The following PARP1 variants were observed in gnomAD, a reference collection of about 807,000 sequenced individuals.
PARP1 encodes the protein poly [ADP-ribose] polymerase 1.
A neutral mutation model predicts 118.7 loss-of-function variants in PARP1; 44 were observed. The observed-to-expected ratio is 0.37, with a 90% CI of 0.29 to 0.48. The LOEUF is 0.48. Ranked by LOEUF, PARP1 falls within the 20% of genes least tolerant of loss-of-function variation. The pLI is 0.99. For missense variants in PARP1, 1,100 were observed against 1,272.4 expected (o/e 0.86, Z 2.06); for synonymous variants, 492 against 483.2 (o/e 1.02, Z -0.24).
In PARP1 at chr1:226,380,050, A is replaced by G. The variant is rs1331450330; in HGVS notation, c.1415T>C (p.Leu472Ser). The change falls in exon 10 of 23, where the codon TTG becomes TCG. Residue 472 changes from leucine (L) to serine (S), a missense_variant. Leu to Ser is a moderately radical substitution (Grantham distance 145). Around this residue, in one of 2 missense-constraint regions of PARP1, gnomAD observed 948 missense variants for 1,031.8 expected, o/e 0.92. Coordinates refer to ENST00000366794, the MANE Select transcript of PARP1 (RefSeq NM_001618.4). ...VSASTKSLQE[L>S]FLAHILSPWG... ...AGGGGACAAGATGTGCGCTAAGAAC[A>G]ACTCCTGAAGGCTCTTGGTGGAGGC... 6.2e-7 allele frequency: 1 copy of G among 1,613,714 alleles called. No homozygotes were observed.
At chr1:226,393,075 A>G in intron 2 of PARP1, 1 of 1,194,968 alleles carries the variant, frequency 8.4e-7, no homozygotes, top group East Asian at 2.8e-5. Flanking sequence ...ATTCTATTTG[A>G]TATTCCTAAG....
intron 1 of PARP1, among the ~76,000 whole-genome samples, chr1:226,405,957 AAAAC>A (rs1665138563): frequency 6.6e-6 from 1 of 152,200 alleles, no homozygotes; most frequent in South Asian, 2.1e-4. Context: ...CTCAAAAAAC[AAAAC>A]AAACAAAAAG....
chr1:226,404,813 T>A (rs1343211446), intron 1 of PARP1, among the ~76,000 whole-genome samples: 1 of 152,166 alleles, frequency 6.6e-6, no homozygotes, highest in Admixed American at 6.5e-5. Context: ...CATACCAGGG[T>A]CCTCACCCAA....
chr1:226,390,377 A>G (rs1261875445), intron 4 of PARP1, 33 bp downstream of exon 4: 2 of 1,597,394 alleles, frequency 1.3e-6, no homozygotes, highest in African/African-American at 2.7e-5. Context: ...CCCTCACTGA[A>G]CCCCCAGGGC....
At chr1:226,404,597 T>C (rs914043452) in intron 1 of PARP1, among the ~76,000 whole-genome samples, 2 of 152,112 alleles carry the variant, frequency 1.3e-5, no homozygotes, top group African/African-American at 4.8e-5. Flanking sequence ...AATGGTGCAA[T>C]CACAGCACAA....
rs149619679 is a variant in PARP1, at chr1:226,385,638, G to A, written c.877C>T (p.Leu293Phe). Residue 293 changes from leucine to phenylalanine, a missense_variant, in exon 7 of 23, where the codon CTT becomes TTT. By Grantham distance (22) the Leu-to-Phe change is conservative. Transcript: ENST00000366794. ...VADGMVFGAL[L>F]PCEECSGQLV... ...TGACCCGAGCATTCCTCGCAGGGAA[G>A]GAGGGCACCGAACACCATGCCATCA... The A allele has an allele frequency of 3.2e-5, 52 of 1,614,182 alleles. 1 individual carries two copies. The Middle Eastern group carries it at 6.6e-4, about 20-fold the overall frequency.
intron 1 of PARP1, among the ~76,000 whole-genome samples, chr1:226,404,423 C>T (rs1414290025): frequency 6.6e-6 from 1 of 152,228 alleles, no homozygotes; most frequent in Non-Finnish European, 1.5e-5. Context: ...CCCTTGTCTA[C>T]CCTTCCTGTG....
chr1:226,388,720 TCATCCACTC>T lies in PARP1; in HGVS notation c.644_652del (p.Gly215_Asp217del), dbSNP rs767944519. 2 of 1,613,976 alleles carry T rather than the reference TCATCCACTC, an allele frequency of 1.2e-6. No individual in the cohort carries two copies. The highest frequency in any genetic ancestry group is 1.3e-5 in the African/African-American group (1 of 74,928). Reference sequence around the variant, plus strand: ...TTTTTTAGATTTCTTCTTCGCCACTTCATCCACTCCATCCACCTCATCGCCTTTTCTCTT... The same window carrying T: ...TTTTTTAGATTTCTTCTTCGCCACTTCATCCACCTCATCGCCTTTTCTCTT... On this transcript the variant is annotated inframe_deletion, in exon 5 of 23. Transcript: ENST00000366794.
chr1:226,397,710 C>G (rs1226907236), intron 2 of PARP1, among the ~76,000 whole-genome samples: 1 of 152,172 alleles, frequency 6.6e-6, no homozygotes, highest in African/African-American at 2.4e-5. Flanking sequence ...TTCTCCTCTG[C>G]CTTCTGCCAT....
intron 15 of PARP1, among the ~76,000 whole-genome samples, chr1:226,369,990 A>G (rs1372626957): frequency 6.6e-6 from 1 of 151,718 alleles, no homozygotes; most frequent in Non-Finnish European, 1.5e-5. Flanking sequence ...CCACCAAAAA[A>G]AAAAAAAAAA....
At chr1:226,367,692 C>A in intron 16 of PARP1, 84 bp from the exon 17 acceptor site, 30 of 1,500,986 alleles carry the variant, frequency 2.0e-5, no homozygotes, top group Non-Finnish European at 2.7e-5. Context: ...AACCTACATG[C>A]AGAGAAGGTC....
intron 2 of PARP1, among the ~76,000 whole-genome samples, chr1:226,394,052 A>T (rs1226112969): frequency 1.3e-5 from 2 of 152,236 alleles, no homozygotes; most frequent in African/African-American, 4.8e-5. Context: ...TTCCTTAAGA[A>T]AAACACAAGG....
intron 17 of PARP1, chr1:226,366,877 T>A (rs1335725388): frequency 5.9e-6 from 1 of 169,222 alleles, no homozygotes; most frequent in Non-Finnish European, 1.3e-5. Flanking sequence ...CTGCAGGGAA[T>A]GGGCTGAGGA....
In PARP1 at chr1:226,373,386, C is replaced by A. The variant is rs894618745; in HGVS notation, c.2070+840G>T. 3.9e-5 allele frequency among the ~76,000 whole-genome samples: 6 copies of A among 152,330 alleles called. No homozygotes were observed. The South Asian group carries it at 1.2e-3, about 32-fold the overall frequency. On this transcript the variant is annotated intron_variant, in intron 14 of 22. Coordinates refer to ENST00000366794, the MANE Select transcript of PARP1 (RefSeq NM_001618.4). Reference sequence around the variant, plus strand: ...AGCAGCCTGAAGCTTCTGGGTTCAGCAGCTAGGGTAGAGAGGAGAGGGTGT... The same window carrying A: ...AGCAGCCTGAAGCTTCTGGGTTCAGAAGCTAGGGTAGAGAGGAGAGGGTGT...
intron 6 of PARP1, 132 bp from the exon 7 acceptor site, chr1:226,385,812 G>T: frequency 1.2e-6 from 1 of 824,984 alleles, no homozygotes; most frequent in Non-Finnish European, 2.0e-6. Flanking sequence ...CTGTGGGCTT[G>T]CTATGGGGCT....
At chr1:226,391,997 A>T (rs1664829053) in intron 3 of PARP1, among the ~76,000 whole-genome samples, 1 of 152,194 alleles carries the variant, frequency 6.6e-6, no homozygotes, top group Non-Finnish European at 1.5e-5. Context: ...CATACATGAG[A>T]ACTGGACCGT....
rs773742138 is a variant in PARP1, at chr1:226,367,592, A to G, written c.2294T>C (p.Leu765Pro). Residue 765 changes from leucine to proline, a missense_variant, in exon 17 of 23, where the codon CTT (leucine) becomes CCT (proline). Transcript: ENST00000366794. ...ADSVQAKVEM[L>P]DNLLDIEVAY... is the part of the protein sequence containing the mutation. ...CACCTCGATGTCCAGCAGGTTGTCA[A>G]GCATTTCCACCTTGGCCTGGAGGAG... is the stretch of plus-strand genomic sequence containing the variant. 6.2e-7 allele frequency: 1 copy of G among 1,614,166 alleles called. No homozygotes were observed. Among genetic ancestry groups the G allele is most frequent in the East Asian group, 2.2e-5 (1 of 44,872 alleles).
chr1:226,361,239 C>T lies in PARP1; in HGVS notation c.*221G>A. ...GTTTTATCTACCTGGCAAGAAAAAACAAAAACAACCCCAAAACAACCCCTC... is the reference window on the plus strand; with the variant it reads ...GTTTTATCTACCTGGCAAGAAAAAATAAAAACAACCCCAAAACAACCCCTC... On this transcript the variant is annotated 3_prime_UTR_variant, in exon 23 of 23. Coordinates refer to ENST00000366794, the MANE Select transcript of PARP1 (RefSeq NM_001618.4). 1.7e-6 allele frequency: 1 copy of T among 598,280 alleles called. No homozygotes were observed. Among genetic ancestry groups the T allele is most frequent in the Non-Finnish European group, 3.0e-6 (1 of 334,136 alleles). The allele number at this position is 598,280 out of a possible 1,614,324, so 37.1% of individuals were successfully genotyped here.
At chr1:226,383,266 C>T in intron 7 of PARP1, 83 bp from the exon 8 acceptor site, 1 of 1,045,544 alleles carries the variant, frequency 9.6e-7, no homozygotes, top group Non-Finnish European at 1.5e-6. Flanking sequence ...TTGGCTTGTC[C>T]AAATCAAATA....
Sources: allele counts gnomAD v4.1 joint callset (sites outside exome capture counted in the v4.1 genomes callset), GRCh38; gene constraint gnomAD v4.1.1; regional missense constraint gnomAD v4.1.1; transcripts MANE v1.5; gene names NCBI Gene and HGNC (gene_info 2026-07-23, HGNC 2026-07-21).